Variants in CORIN observed in about 807,000 individuals in gnomAD.
CORIN encodes atrial natriuretic peptide-converting enzyme.
A neutral mutation model predicts 125.3 loss-of-function variants in CORIN; 117 were observed. The ratio of observed to expected loss-of-function variants is 0.93; its 90% CI spans 0.80 to 1.09. The LOEUF is 1.09. Among genes scored for constraint, CORIN ranks in the 50% least tolerant of loss-of-function variants. CORIN has a pLI of 0.00. For synonymous variants in CORIN, 450 were observed against 466.4 expected (o/e 0.96, Z 0.45); for missense variants, 1,253 against 1,306.7 (o/e 0.96, Z 0.63).
chr4:47,722,421 C>A (rs1560520066), intron 5 of CORIN, among the ~76,000 whole-genome samples: 1 of 152,118 alleles, frequency 6.6e-6, no homozygotes, highest in African/African-American at 2.4e-5. Context: ...TTTCATCTGA[C>A]AAAAGAAAGG....
At chr4:47,755,488 A>G (rs1729095603) in intron 4 of CORIN, among the ~76,000 whole-genome samples, 1 of 152,204 alleles carries the variant, frequency 6.6e-6, no homozygotes, top group Admixed American at 6.5e-5. Context: ...TATAAACTTT[A>G]ATGCTAAAAT....
intron 2 of CORIN, among the ~76,000 whole-genome samples, chr4:47,790,820 A>C (rs1235707142): frequency 2.0e-5 from 3 of 152,204 alleles, no homozygotes; most frequent in Non-Finnish European, 4.4e-5. Flanking sequence ...ATTTGGAGTG[A>C]GAAAACTATG....
intron 4 of CORIN, among the ~76,000 whole-genome samples, chr4:47,751,774 A>G (rs1728912911): frequency 6.6e-6 from 1 of 152,186 alleles, no homozygotes; most frequent in African/African-American, 2.4e-5. Flanking sequence ...AGACAGTAGT[A>G]TGTTTTATTC....
At position 47,626,606 on chromosome 4, in the gene CORIN, T is replaced by G. The variant is rs564850616; in HGVS notation, c.2199-85A>C. ...ATCATTATTTAGCACTCATTCCCTT[T>G]CAAAAAGAAGCACTAAATCATGTCA... On this transcript the variant is annotated intron_variant, in intron 16 of 21. Coordinates refer to ENST00000273857, the MANE Select transcript of CORIN (RefSeq NM_006587.4). The G allele has an allele frequency of 2.2e-5, 19 of 857,474 alleles. No homozygotes were observed. In the Admixed American group the frequency reaches 3.2e-4, roughly 14 times the overall value. 53.1% of individuals were successfully genotyped at this position (857,474 alleles called of 1,614,324 possible).
At chr4:47,622,039 C>T (rs1326451965) in intron 19 of CORIN, among the ~76,000 whole-genome samples, 1 of 130,900 alleles carries the variant, frequency 7.6e-6, no homozygotes, top group Non-Finnish European at 1.6e-5. Context: ...GTGATATTCC[C>T]CTTCCTGTGT....
chr4:47,651,777 C>A (rs1389424938), intron 13 of CORIN, among the ~76,000 whole-genome samples: 3 of 152,048 alleles, frequency 2.0e-5, no homozygotes, highest in Admixed American at 6.6e-5. Context: ...TGGTGAAAAC[C>A]AATTACTTAA....
rs368956061 is a variant in CORIN, at chr4:47,763,516, G to C, written c.480C>G (p.Leu160=). ...CCATTTCCATGTTTCTGACAACTGA[G>C]AGGAGAGGTGTCAGCGTGGCGTGGT... The part of the protein sequence containing the change: ...LPYHATLTPL[L]SVVRNMEMEK... Residue 160 remains leucine, a synonymous_variant, in exon 4 of 22, where the codon CTC becomes CTG. Coordinates refer to ENST00000273857, the MANE Select transcript of CORIN (RefSeq NM_006587.4). The C allele has an allele frequency of 6.2e-7, 1 of 1,614,068 alleles. No individual in the cohort carries two copies. Among genetic ancestry groups the C allele is most frequent in the African/African-American group, 1.3e-5 (1 of 74,930 alleles).
chr4:47,699,775 T>A (rs149831742), intron 5 of CORIN, among the ~76,000 whole-genome samples: 1 of 152,224 alleles, frequency 6.6e-6, no homozygotes. Flanking sequence ...TGTGTTACAG[T>A]GTGATGCTCA....
At chr4:47,610,469 T>G (rs1211075982) in intron 19 of CORIN, among the ~76,000 whole-genome samples, 1 of 152,160 alleles carries the variant, frequency 6.6e-6, no homozygotes, top group Non-Finnish European at 1.5e-5. Context: ...TCTTGTAAAT[T>G]TAAGTTCCTT....
At chr4:47,638,711 C>T (rs538728011) in intron 16 of CORIN, among the ~76,000 whole-genome samples, 1 of 152,248 alleles carries the variant, frequency 6.6e-6, no homozygotes, top group South Asian at 2.1e-4. Context: ...CTTTTTCTTC[C>T]CAGTCTCGGG....
At chr4:47,670,419 G>A (rs534098978) in intron 10 of CORIN, among the ~76,000 whole-genome samples, 6 of 152,204 alleles carry the variant, frequency 3.9e-5, no homozygotes, top group Admixed American at 3.9e-4. Flanking sequence ...AACCATTATA[G>A]TGATTGGCTT....
At chr4:47,771,581 T>C (rs539761186) in intron 3 of CORIN, among the ~76,000 whole-genome samples, 1 of 152,256 alleles carries the variant, frequency 6.6e-6, no homozygotes, top group Admixed American at 6.5e-5. Flanking sequence ...TTCCTGATTC[T>C]TTCCCTCCTC....
At chr4:47,625,839 A>G (rs186901827) in intron 17 of CORIN, among the ~76,000 whole-genome samples, 2 of 152,302 alleles carry the variant, frequency 1.3e-5, no homozygotes, top group African/African-American at 4.8e-5. Context: ...AAGATTACCT[A>G]GCTGTGTGCC....
At chr4:47,714,317 T>G (rs913658303) in intron 5 of CORIN, among the ~76,000 whole-genome samples, 5 of 152,176 alleles carry the variant, frequency 3.3e-5, no homozygotes, top group Admixed American at 3.3e-4. Flanking sequence ...ACCGAAAATT[T>G]AATCTGTAAG....
At chr4:47,620,340 A>G (rs956000379) in intron 19 of CORIN, among the ~76,000 whole-genome samples, 1 of 152,230 alleles carries the variant, frequency 6.6e-6, no homozygotes, top group Admixed American at 6.5e-5. Context: ...GAATAATTTT[A>G]AAACTTATAA....
intron 5 of CORIN, among the ~76,000 whole-genome samples, chr4:47,728,599 G>A (rs1001902606): frequency 6.6e-6 from 1 of 152,152 alleles, no homozygotes; most frequent in African/African-American, 2.4e-5. Flanking sequence ...AATAGACTCA[G>A]GGATGTGCAC....
chr4:47,744,947 T>C (rs1288960431), intron 4 of CORIN, among the ~76,000 whole-genome samples: 3 of 152,198 alleles, frequency 2.0e-5, no homozygotes, highest in Admixed American at 6.5e-5. Context: ...AAGGAAGAAG[T>C]AGGTCAAAAA....
intron 12 of CORIN, among the ~76,000 whole-genome samples, chr4:47,659,548 T>C (rs140395072): frequency 1.6e-4 from 24 of 152,220 alleles, no homozygotes; most frequent in African/African-American, 5.3e-4. Context: ...GCACATCACA[T>C]GGTAAAGGAG....
Position 47,623,728 on chromosome 4 carries a change from C to T in CORIN, c.2383G>A (p.Ala795Thr). Reference protein sequence around the residue: ...CTKQDCGRRPAARMNKRILGG... With the variant: ...CTKQDCGRRPTARMNKRILGG... Reference sequence around the variant, plus strand: ...AGGATCCTTTTGTTCATTCGGGCAGCAGGGCGGCGCCCACAGTCTACCAAG... The same window carrying T: ...AGGATCCTTTTGTTCATTCGGGCAGTAGGGCGGCGCCCACAGTCTACCAAG... The change falls in exon 19 of 22, where the codon GCT (alanine) becomes ACT (threonine). Residue 795 changes from alanine (A) to threonine (T), a missense_variant. Physicochemically the swap from Ala to Thr is moderately conservative, Grantham distance 58. Coordinates refer to ENST00000273857, the MANE Select transcript of CORIN (RefSeq NM_006587.4). The T allele has an allele frequency of 6.2e-7, 1 of 1,614,208 alleles. No individual in the cohort carries two copies. Among genetic ancestry groups the T allele is most frequent in the Non-Finnish European group, 8.5e-7 (1 of 1,180,028 alleles).
Sources: gnomAD v4.1 joint callset for allele counts (sites outside exome capture counted in the v4.1 genomes callset) on GRCh38, gnomAD v4.1.1 for gene constraint, MANE v1.5 for transcripts, NCBI Gene and HGNC (gene_info 2026-07-23, HGNC 2026-07-21) for gene names.